Variants in HERC3 observed in about 807,000 individuals in gnomAD.
The protein encoded by HERC3 is HECT and RLD domain containing E3 ubiquitin protein ligase 3.
HERC3 carries 58 observed loss-of-function variants against 129.9 expected under a neutral mutation model. The ratio of observed to expected loss-of-function variants is 0.45; its 90% CI spans 0.36 to 0.56. The LOEUF (loss-of-function observed/expected upper bound fraction) is 0.56, where lower values mean the gene tolerates loss of function less well. HERC3 is among the 20% of genes least tolerant of loss of function. HERC3 has a pLI of 0.00. For missense variants in HERC3, 835 were observed against 1,244.2 expected (o/e 0.67, Z 4.95); for synonymous variants, 430 against 451.0 (o/e 0.95, Z 0.59).
chr4:88,645,232 A>C (rs1395157491), intron 3 of HERC3, among the ~76,000 whole-genome samples: 1 of 152,170 alleles, frequency 6.6e-6, no homozygotes, highest in Non-Finnish European at 1.5e-5. Flanking sequence ...CGGTGGGAAC[A>C]GGAAATCAAG....
the HERC3 span, among the ~76,000 whole-genome samples, chr4:88,549,559 G>T: frequency 1.3e-5 from 2 of 152,102 alleles, no homozygotes; most frequent in Non-Finnish European, 2.9e-5. Context: ...GTGAGAGCAT[G>T]TGGTTTTTGA....
At chr4:88,705,722 G>A (rs915989030) in intron 25 of HERC3, among the ~76,000 whole-genome samples, 1 of 152,232 alleles carries the variant, frequency 6.6e-6, no homozygotes, top group Non-Finnish European at 1.5e-5. Flanking sequence ...AAATTAGCTA[G>A]TGCATAGTAT....
chr4:88,704,867 T>C (rs201288975), intron 25 of HERC3, among the ~76,000 whole-genome samples: 19 of 107,336 alleles, frequency 1.8e-4, no homozygotes, highest in African/African-American at 3.5e-4. Flanking sequence ...TTCTTTCTTT[T>C]TTTTTTTTTT....
intron 23 of HERC3, among the ~76,000 whole-genome samples, chr4:88,702,530 C>G (rs1270867986): frequency 6.6e-6 from 1 of 152,180 alleles, no homozygotes; most frequent in Non-Finnish European, 1.5e-5. Context: ...TCTTGAGATT[C>G]TATTCATTTT....
At chr4:88,606,579 A>G (rs1337546141) in intron 3 of HERC3, among the ~76,000 whole-genome samples, 2 of 152,208 alleles carry the variant, frequency 1.3e-5, no homozygotes, top group African/African-American at 2.4e-5. Flanking sequence ...TAGAAAAGAA[A>G]GAGGTTTATT....
the HERC3 span, among the ~76,000 whole-genome samples, chr4:88,549,656 A>G: frequency 2.2e-3 from 326 of 151,388 alleles, 2 homozygotes; most frequent in African/African-American, 7.3e-3. Flanking sequence ...ATTCTCTTTT[A>G]TGGCTGTGAA....
chr4:88,528,175 C>A, the HERC3 span: 2 of 200,800 alleles, frequency 1.0e-5, no homozygotes, highest in Non-Finnish European at 2.1e-5. Context: ...GTGTGACCTG[C>A]AACTGCCCTG....
chr4:88,697,845 G>T, intron 23 of HERC3: 2 of 1,488,994 alleles, frequency 1.3e-6, no homozygotes, highest in South Asian at 2.7e-5. Flanking sequence ...TGCGGCAAGT[G>T]GCGGTGACGT....
In HERC3 at chr4:88,687,271, G is replaced by T. The variant is rs1733582253; in HGVS notation, c.2629G>T (p.Asp877Tyr). The T allele has an allele frequency of 6.2e-7, 1 of 1,612,626 alleles. No homozygotes were observed. The highest frequency in any genetic ancestry group is 8.5e-7 in the Non-Finnish European group (1 of 1,178,912). ...IEQKKLIPGG[D>Y]NVTVCKDNRQ... ...ACAGAAGAAGCTGATACCTGGGGGA[G>T]ATAATGTAACTGTGTGCAAGGATAA... Residue 877 changes from aspartate (D) to tyrosine (Y), a missense_variant, in exon 23 of 26, where the codon GAT (aspartate) becomes TAT (tyrosine). Coordinates refer to ENST00000402738, the MANE Select transcript of HERC3 (RefSeq NM_014606.3).
intron 23 of HERC3, among the ~76,000 whole-genome samples, chr4:88,698,614 C>G (rs966669005): frequency 6.7e-6 from 1 of 148,708 alleles, no homozygotes; most frequent in Non-Finnish European, 1.5e-5. Flanking sequence ...AAGGCCCCCT[C>G]TTATCTTGGT....
At chr4:88,553,964 G>A in the HERC3 span, among the ~76,000 whole-genome samples, 5 of 152,192 alleles carry the variant, frequency 3.3e-5, no homozygotes, top group Non-Finnish European at 5.9e-5. Flanking sequence ...TAACAAAATT[G>A]TTAAAATGGC....
Position 88,597,190 on chromosome 4 carries a change from A to G in HERC3, c.-30+1576A>G, listed in dbSNP as rs545437700. The stretch of plus-strand genomic sequence containing the variant: ...TGCATTGGACTGTAAGATAGCCACT[A>G]GTCACCTAGGGCTACTTACATTAAA... On this transcript the variant is annotated intron_variant, in intron 2 of 25. Transcript: ENST00000402738. Among the ~76,000 whole-genome samples, 23 of 152,346 alleles carry G rather than the reference A, an allele frequency of 1.5e-4. No homozygotes were observed. In the East Asian group the frequency reaches 1.9e-3, roughly 13 times the overall value.
intron 11 of HERC3, among the ~76,000 whole-genome samples, chr4:88,663,512 A>G (rs928142576): frequency 2.0e-5 from 3 of 152,192 alleles, no homozygotes; most frequent in African/African-American, 7.2e-5. Flanking sequence ...TTCCTGATCT[A>G]AATTCTGTGA....
the HERC3 span, among the ~76,000 whole-genome samples, chr4:88,551,203 A>G: frequency 6.6e-6 from 1 of 152,240 alleles, no homozygotes; most frequent in African/African-American, 2.4e-5. Flanking sequence ...CCTAGGCATT[A>G]CCATTCAGGA....
chr4:88,582,676 G>C, the HERC3 span, among the ~76,000 whole-genome samples: 7 of 152,126 alleles, frequency 4.6e-5, no homozygotes, highest in Admixed American at 2.6e-4. Flanking sequence ...TCTTCTGGAG[G>C]CTGCTCTGGA....
chr4:88,570,269 A>G, the HERC3 span, among the ~76,000 whole-genome samples: 1 of 152,214 alleles, frequency 6.6e-6, no homozygotes, highest in Non-Finnish European at 1.5e-5. Context: ...TTTTCTCAAT[A>G]AAAAATAAGA....
intron 23 of HERC3, 34 bp from the exon 24 acceptor site, chr4:88,704,064 T>C (rs1417377279): frequency 1.3e-6 from 2 of 1,589,114 alleles, no homozygotes; most frequent in Non-Finnish European, 1.7e-6. Flanking sequence ...TACAAGACTT[T>C]GAGCTAAATG....
chr4:88,678,784 G>A (rs2149313519), intron 19 of HERC3, among the ~76,000 whole-genome samples: 1 of 152,178 alleles, frequency 6.6e-6, no homozygotes, highest in African/African-American at 2.4e-5. Context: ...AATGTAATAG[G>A]CATGAAATGA....
intron 3 of HERC3, among the ~76,000 whole-genome samples, chr4:88,645,962 A>T (rs764925436): frequency 6.6e-6 from 1 of 152,216 alleles, no homozygotes; most frequent in African/African-American, 2.4e-5. Context: ...TCCATTATCC[A>T]TAAATAGGGT....
Sources: allele counts gnomAD v4.1 joint callset (sites outside exome capture counted in the v4.1 genomes callset), GRCh38; gene constraint gnomAD v4.1.1; transcripts MANE v1.5; gene names NCBI Gene and HGNC (gene_info 2026-07-23, HGNC 2026-07-21).